Variants in UNC45A observed in about 807,000 individuals in gnomAD.
The protein encoded by UNC45A is unc-45 myosin chaperone A, also known as protein unc-45 homolog A.
A neutral mutation model predicts 103.2 loss-of-function variants in UNC45A; 78 were observed. The observed-to-expected ratio is 0.76, with a 90% CI of 0.63 to 0.91. The LOEUF (loss-of-function observed/expected upper bound fraction) is 0.91. Among genes scored for constraint, UNC45A ranks in the 40% least tolerant of loss-of-function variants. The pLI is 0.00. For missense variants in UNC45A, 1,193 were observed against 1,224.8 expected (o/e 0.97, Z 0.39); for synonymous variants, 495 against 504.6 (o/e 0.98, Z 0.25).
chr15:90,931,551 T>G, upstream of UNC45A: 3 of 1,614,182 alleles, frequency 1.9e-6, no homozygotes, highest in Non-Finnish European at 2.5e-6. Context: ...AGCTATTGTA[T>G]TTTTACTGTA....
intron 4 of UNC45A, 60 bp from the exon 5 acceptor site, chr15:90,939,671 G>A: frequency 5.8e-6 from 9 of 1,555,238 alleles, no homozygotes; most frequent in Non-Finnish European, 8.0e-6. Context: ...AAATGAATAG[G>A]GAGTGTGATG....
chr15:90,942,212 G>A (rs2036328289), intron 6 of UNC45A, among the ~76,000 whole-genome samples: 1 of 152,180 alleles, frequency 6.6e-6, no homozygotes, highest in Non-Finnish European at 1.5e-5. Flanking sequence ...CCAAGGAGAG[G>A]TAGTAGGGCA....
In UNC45A at chr15:90,950,139, G is replaced by A. The variant is rs1418290861; in HGVS notation, c.2074-15G>A. ...CCCAGGGATGTCCTGAGCAGTGACGGGCTTGTTCCTACAGGCGCTGATCCC... is the reference window on the plus strand; with the variant it reads ...CCCAGGGATGTCCTGAGCAGTGACGAGCTTGTTCCTACAGGCGCTGATCCC... On this transcript the variant is annotated splice_polypyrimidine_tract_variant and intron_variant, in intron 15 of 19. Transcript: ENST00000418476. The A allele has an allele frequency of 3.2e-6, 5 of 1,550,574 alleles. No individual in the cohort carries two copies. In the South Asian group the frequency reaches 3.6e-5, roughly 11 times the overall value.
rs771042631 is a variant in UNC45A at position 90,948,682 on chromosome 15, T to C, written c.1766T>C (p.Val589Ala). 3 of 1,613,986 alleles carry C rather than the reference T, an allele frequency of 1.9e-6. No individual in the cohort carries two copies. Among genetic ancestry groups the C allele is most frequent in the Non-Finnish European group, 1.7e-6 (2 of 1,179,962 alleles). Residue 589 changes from valine to alanine, a missense_variant, in exon 13 of 20, where the codon GTG becomes GCG. Transcript: ENST00000418476. ...GAGGAGAGGTCAGTGCTCTTTGCGG[T>C]GGCCTCAGCGCTGGTGAACTGCACC... is the stretch of plus-strand genomic sequence containing the variant. ...RLEERSVLFAVASALVNCTNS... is the reference protein window; with the variant it reads ...RLEERSVLFAAASALVNCTNS...
Position 90,950,628 on chromosome 15 carries a change from G to C in UNC45A, c.2303+13G>C, listed in dbSNP as rs752181890. 4 of 1,612,716 alleles carry C rather than the reference G, an allele frequency of 2.5e-6. No individual in the cohort carries two copies. The highest frequency in any genetic ancestry group is 1.7e-6 in the Non-Finnish European group (2 of 1,179,044). On this transcript the variant is annotated intron_variant, in intron 17 of 19. Coordinates refer to ENST00000418476, the MANE Select transcript of UNC45A (RefSeq NM_018671.5). ...GCGAGAGGCTCCGGTAAGGTCCCTTGGGATTGCGGGGCCTGGACCAGGCAT... is the reference window on the plus strand; with the variant it reads ...GCGAGAGGCTCCGGTAAGGTCCCTTCGGATTGCGGGGCCTGGACCAGGCAT...
upstream of UNC45A, chr15:90,931,802 T>G (rs769180797): frequency 3.1e-6 from 5 of 1,614,176 alleles, no homozygotes; most frequent in South Asian, 5.5e-5. Flanking sequence ...TTGCTCCACC[T>G]GCAGCCTCTT....
At chr15:90,951,645 G>T (rs1434208314) in intron 17 of UNC45A, among the ~76,000 whole-genome samples, 2 of 152,186 alleles carry the variant, frequency 1.3e-5, no homozygotes, top group Non-Finnish European at 2.9e-5. Context: ...GCTAATGCAT[G>T]CTGGGCTTAA....
At position 90,953,997 on chromosome 15, in the gene UNC45A, AT is replaced by A; in HGVS notation, c.*282del. 4.2e-6 allele frequency: 2 copies of A among 475,998 alleles called. No homozygotes were observed. The highest frequency in any genetic ancestry group is 7.7e-6 in the Non-Finnish European group (2 of 259,596). 29.5% of individuals were successfully genotyped at this position (475,998 alleles called of 1,614,324 possible). ...AGGTGCATCCCAACACAGCCTGTGG[AT>A]CCTGGGGCATCTGGAAGGGCGCACA... On this transcript the variant is annotated 3_prime_UTR_variant, in exon 20 of 20. Coordinates refer to ENST00000418476, the MANE Select transcript of UNC45A (RefSeq NM_018671.5).
rs1383985512 is a variant in UNC45A at position 90,950,262 on chromosome 15, G to A, written c.2182G>A (p.Glu728Lys). The A allele has an allele frequency of 3.9e-6, 6 of 1,551,600 alleles. No homozygotes were observed. The highest frequency in any genetic ancestry group is 2.4e-5 in the East Asian group (1 of 40,936). Reference protein sequence around the residue: ...TSNPEMTFPGERIYEVVRPLV... With the variant: ...TSNPEMTFPGKRIYEVVRPLV... Reference sequence around the variant, plus strand: ...CAACCCGGAGATGACCTTCCCTGGCGAGCGGGTACGTGTCTTCCTGCCCCG... The same window carrying A: ...CAACCCGGAGATGACCTTCCCTGGCAAGCGGGTACGTGTCTTCCTGCCCCG... Residue 728 changes from glutamate to lysine, a missense_variant, in exon 16 of 20, where the codon GAG (glutamate) becomes AAG (lysine). By Grantham distance (56) the Glu-to-Lys change is moderately conservative. Coordinates refer to ENST00000418476, the MANE Select transcript of UNC45A (RefSeq NM_018671.5).
At chr15:90,932,544 G>A, upstream of UNC45A, 1 of 1,255,306 alleles carries the variant, frequency 8.0e-7, no homozygotes, top group Non-Finnish European at 1.0e-6. Context: ...AGCCCATCGC[G>A]CGGATGGGGC....
At chr15:90,932,308 G>A (rs1596201555), upstream of UNC45A, 2 of 794,452 alleles carry the variant, frequency 2.5e-6, no homozygotes, top group East Asian at 2.8e-5. Flanking sequence ...AGGCTTAAAC[G>A]GTATATCGCA....
upstream of UNC45A, chr15:90,931,953 A>T: frequency 1.9e-6 from 3 of 1,613,770 alleles, no homozygotes; most frequent in Non-Finnish European, 2.5e-6. Context: ...GCCTGGGGAC[A>T]AGTTCCCACT....
intron 17 of UNC45A, among the ~76,000 whole-genome samples, chr15:90,951,726 C>T (rs1369698160): frequency 1.3e-5 from 2 of 152,132 alleles, no homozygotes; most frequent in Non-Finnish European, 1.5e-5. Flanking sequence ...CAAACCTGCA[C>T]GTCCTGCACA....
At chr15:90,934,570 G>A, upstream of UNC45A, 1 of 398,990 alleles carries the variant, frequency 2.5e-6, no homozygotes, top group East Asian at 3.6e-5. Flanking sequence ...CAACCCCAGA[G>A]CCACTGGAAC....
intron 17 of UNC45A, 136 bp from the exon 18 acceptor site, chr15:90,952,793 A>G (rs1020212045): frequency 2.8e-6 from 2 of 724,072 alleles, no homozygotes; most frequent in Non-Finnish European, 4.6e-6. Context: ...GCACCAAGCC[A>G]TGAGGGACCC....
intron 11 of UNC45A, 102 bp from the exon 12 acceptor site, chr15:90,948,040 C>T: frequency 1.3e-6 from 2 of 1,555,782 alleles, no homozygotes; most frequent in South Asian, 1.2e-5. Context: ...TGCTTCTGTA[C>T]ATTGAGGGGA....
chr15:90,944,762 C>G, intron 8 of UNC45A, 130 bp from the exon 9 acceptor site: 1 of 1,132,492 alleles, frequency 8.8e-7, no homozygotes, highest in Non-Finnish European at 1.2e-6. Context: ...TCCGGGCTGC[C>G]CTGGACACAG....
chr15:90,948,574 G>A (rs911773772), intron 12 of UNC45A, 80 bp from the exon 13 acceptor site: 1 of 1,561,550 alleles, frequency 6.4e-7, no homozygotes, highest in Non-Finnish European at 8.7e-7. Flanking sequence ...GGTGGAATTG[G>A]GGGCCTGGGC....
At chr15:90,941,442 G>A (rs1024965578) in intron 6 of UNC45A, among the ~76,000 whole-genome samples, 2 of 152,202 alleles carry the variant, frequency 1.3e-5, no homozygotes, top group African/African-American at 4.8e-5. Flanking sequence ...AGATAGGGGT[G>A]AAACTGTGAA....
Sources: gnomAD v4.1 joint callset for allele counts (sites outside exome capture counted in the v4.1 genomes callset) on GRCh38, gnomAD v4.1.1 for gene constraint, MANE v1.5 for transcripts, NCBI Gene and HGNC (gene_info 2026-07-23, HGNC 2026-07-21) for gene names.